Variants in TAFA2 observed in about 807,000 individuals in gnomAD.
TAFA2 encodes chemokine-like protein TAFA-2.
In TAFA2, 7 loss-of-function variants were observed where a neutral mutation model predicts 18.8. That is an observed-to-expected ratio of 0.37 (90% CI 0.21 to 0.70). The LOEUF is 0.70. TAFA2 is among the 30% of genes least tolerant of loss of function. TAFA2 has a pLI of 0.53. For synonymous variants in TAFA2, 60 were observed against 54.2 expected (o/e 1.11, Z -0.47); for missense variants, 122 against 158.1 (o/e 0.77, Z 1.23).
intron 1 of TAFA2, among the ~76,000 whole-genome samples, chr12:62,239,592 C>A (rs979279785): frequency 2.0e-5 from 3 of 152,164 alleles, no homozygotes; most frequent in African/African-American, 7.2e-5. Flanking sequence ...ATATGCACTT[C>A]TACCTTGTTT....
chr12:62,117,244 T>C (rs796630187), intron 1 of TAFA2, among the ~76,000 whole-genome samples: 10 of 152,324 alleles, frequency 6.6e-5, no homozygotes, highest in African/African-American at 2.4e-4. Context: ...CCAGTTGCTT[T>C]TGTAAGCTGA....
chr12:62,216,312 T>G (rs751428047), intron 1 of TAFA2, among the ~76,000 whole-genome samples: 1 of 152,212 alleles, frequency 6.6e-6, no homozygotes, highest in Non-Finnish European at 1.5e-5. Flanking sequence ...AAGACCCATA[T>G]AGTAGAGAAA....
chr12:61,888,366 A>C (rs1166798246), intron 1 of TAFA2, among the ~76,000 whole-genome samples: 1 of 152,214 alleles, frequency 6.6e-6, no homozygotes, highest in East Asian at 1.9e-4. Context: ...GTTTCTGGCA[A>C]AGGGGGAAAC....
At chr12:61,984,876 T>A (rs574282174) in intron 1 of TAFA2, among the ~76,000 whole-genome samples, 68 of 152,208 alleles carry the variant, frequency 4.5e-4, no homozygotes, top group Non-Finnish European at 8.5e-4. Flanking sequence ...AGTGTTCTAT[T>A]TGCAAACAAG....
chr12:61,904,313 A>G (rs751215171), intron 1 of TAFA2, among the ~76,000 whole-genome samples: 6 of 152,156 alleles, frequency 3.9e-5, no homozygotes, highest in Non-Finnish European at 7.4e-5. Context: ...CCCTAGTGGT[A>G]CAAACTCCCC....
At chr12:62,198,519 A>C (rs1592396779) in intron 1 of TAFA2, 1 of 152,198 alleles carries the variant, frequency 6.6e-6, no homozygotes, top group East Asian at 1.9e-4. Flanking sequence ...TATAACAATT[A>C]AATTAAAACT....
rs533011771 is a variant in TAFA2, at chr12:62,192,724, C to T, written c.-1467G>A. On this transcript the variant is annotated 5_prime_UTR_variant, in exon 1 of 5. Transcript: ENST00000416284. ...GAATGGCAGGGCCGGGCGGCGTTGC[C>T]TCGCCTCTCTCTCCCAACAGCCAGT... is the stretch of plus-strand genomic sequence containing the variant. 1 of 152,230 alleles carries T rather than the reference C, an allele frequency of 6.6e-6. No individual in the cohort carries two copies. The highest frequency in any genetic ancestry group is 1.5e-5 in the Non-Finnish European group (1 of 68,074). The allele number at this position is 152,230 out of a possible 1,614,324, so 9.4% of individuals were successfully genotyped here.
intron 2 of TAFA2, among the ~76,000 whole-genome samples, chr12:61,821,497 AAG>A (rs1872321977): frequency 6.6e-6 from 1 of 152,048 alleles, no homozygotes; most frequent in African/African-American, 2.4e-5. Context: ...AAAAGGGAAA[AAG>A]AAAATAAGCA....
At chr12:62,252,987 T>C (rs968090678) in intron 1 of TAFA2, 1 of 152,196 alleles carries the variant, frequency 6.6e-6, no homozygotes, top group African/African-American at 2.4e-5. Flanking sequence ...AAGGGATCCA[T>C]GTAATTAACT....
Position 62,191,341 on chromosome 12 carries a change from G to C in TAFA2, c.-84C>G, listed in dbSNP as rs911029700. The C allele has an allele frequency of 6.6e-6, 1 of 152,340 alleles. No homozygotes were observed. Among genetic ancestry groups the C allele is most frequent in the African/African-American group, 2.4e-5 (1 of 41,470 alleles). The allele number at this position is 152,340 out of a possible 1,614,324, so 9.4% of individuals were successfully genotyped here. A position where few individuals can be genotyped will look rare whatever the true frequency, so the allele number is the denominator to read the frequency against. Reference sequence around the variant, plus strand: ...GGCCGGCGCCAGCCTTATCGCTCTCGCATCGCTTCCAAGATGCCAATCCGC... The same window carrying C: ...GGCCGGCGCCAGCCTTATCGCTCTCCCATCGCTTCCAAGATGCCAATCCGC... On this transcript the variant is annotated 5_prime_UTR_variant, in exon 1 of 5. Transcript: ENST00000416284.
intron 1 of TAFA2, among the ~76,000 whole-genome samples, chr12:62,092,281 C>T (rs1407354795): frequency 6.6e-6 from 1 of 151,898 alleles, no homozygotes; most frequent in South Asian, 2.1e-4. Context: ...AAACTAGTTT[C>T]TTCACCCCAC....
intron 1 of TAFA2, among the ~76,000 whole-genome samples, chr12:62,103,624 C>T (rs142800697): frequency 8.5e-5 from 13 of 152,108 alleles, no homozygotes; most frequent in African/African-American, 2.4e-5. Context: ...GCCTGTAGTC[C>T]CAGCTACTCG....
intron 1 of TAFA2, among the ~76,000 whole-genome samples, chr12:62,229,625 C>T (rs887522048): frequency 2.0e-5 from 3 of 151,588 alleles, no homozygotes; most frequent in Non-Finnish European, 2.9e-5. Context: ...GTATTTTGTT[C>T]AGGATTTCTA....
chr12:61,920,676 T>C (rs1877013628), intron 1 of TAFA2, among the ~76,000 whole-genome samples: 1 of 152,128 alleles, frequency 6.6e-6, no homozygotes, highest in Non-Finnish European at 1.5e-5. Context: ...TAAACTCTGT[T>C]TTTTGCTTGT....
chr12:61,921,727 T>G (rs1877063588), intron 1 of TAFA2, among the ~76,000 whole-genome samples: 1 of 152,200 alleles, frequency 6.6e-6, no homozygotes, highest in Non-Finnish European at 1.5e-5. Flanking sequence ...AACACTAGTT[T>G]GCATACTGAT....
intron 1 of TAFA2, among the ~76,000 whole-genome samples, chr12:61,868,285 A>G (rs1333058365): frequency 6.6e-6 from 1 of 152,184 alleles, no homozygotes; most frequent in Non-Finnish European, 1.5e-5. Flanking sequence ...GCCACATTTA[A>G]TGACAGAGTA....
intron 4 of TAFA2, among the ~76,000 whole-genome samples, chr12:61,722,152 T>C (rs765425661): frequency 2.6e-5 from 4 of 152,156 alleles, no homozygotes; most frequent in Non-Finnish European, 4.4e-5. Flanking sequence ...GGGGTTTTGG[T>C]TGTATAAGTT....
At chr12:62,042,692 T>G (rs1881796621) in intron 1 of TAFA2, among the ~76,000 whole-genome samples, 1 of 152,272 alleles carries the variant, frequency 6.6e-6, no homozygotes, top group African/African-American at 2.4e-5. Flanking sequence ...ATATTTTTTC[T>G]GTTACTATAC....
intron 4 of TAFA2, among the ~76,000 whole-genome samples, chr12:61,728,028 GGTT>G (rs1870252959): frequency 3.4e-5 from 4 of 119,366 alleles, no homozygotes; most frequent in East Asian, 4.8e-4. Flanking sequence ...TACTTTTGAG[GGTT>G]GTTTTTTTTT....
Sources: allele counts gnomAD v4.1 joint callset (sites outside exome capture counted in the v4.1 genomes callset), GRCh38; gene constraint gnomAD v4.1.1; transcripts MANE v1.5; gene names NCBI Gene and HGNC (gene_info 2026-07-23, HGNC 2026-07-21).